Variants in GALNT1 observed in about 807,000 individuals in gnomAD.
The protein encoded by GALNT1 is GalNAc transferase 1.
Under a neutral mutation model 65.7 loss-of-function variants are expected in GALNT1, and 17 were observed. That is an observed-to-expected ratio of 0.26 (90% CI 0.18 to 0.39). GALNT1 has a LOEUF of 0.39. GALNT1 is among the 10% of genes least tolerant of loss of function. The pLI is 1.00. For synonymous variants in GALNT1, 210 were observed against 219.7 expected (o/e 0.96, Z 0.39); for missense variants, 460 against 672.8 (o/e 0.68, Z 3.50).
At chr18:35,616,397 C>T (rs965804646) in intron 1 of GALNT1, among the ~76,000 whole-genome samples, 16 of 152,098 alleles carry the variant, frequency 1.1e-4, no homozygotes, top group Admixed American at 1.0e-3. Context: ...TTATACAGTG[C>T]CCATCAAAGT....
At chr18:35,622,571 A>G (rs2046866717) in intron 1 of GALNT1, among the ~76,000 whole-genome samples, 1 of 152,170 alleles carries the variant, frequency 6.6e-6, no homozygotes, top group African/African-American at 2.4e-5. Context: ...TCTGGTTGTT[A>G]TTGGTACAGA....
chr18:35,698,205 C>T (rs77037958), intron 9 of GALNT1, among the ~76,000 whole-genome samples: 1,910 of 152,330 alleles, frequency 0.013, 17 homozygotes, highest in Non-Finnish European at 0.018. Context: ...TGGTGACTCA[C>T]ACCTGTAATG....
intron 1 of GALNT1, among the ~76,000 whole-genome samples, chr18:35,624,111 C>T (rs2046888364): frequency 6.6e-6 from 1 of 152,212 alleles, no homozygotes; most frequent in South Asian, 2.1e-4. Context: ...GTTCTTTCAG[C>T]TATCTAAATG....
chr18:35,668,430 G>T (rs889616210), intron 3 of GALNT1, among the ~76,000 whole-genome samples: 3 of 152,118 alleles, frequency 2.0e-5, no homozygotes, highest in Admixed American at 6.5e-5. Flanking sequence ...AAAGCTGAAA[G>T]TTCTTTGGAA....
rs191294614 is a variant in GALNT1 at position 35,711,230 on chromosome 18, G to T, written c.*1460G>T. On this transcript the variant is annotated 3_prime_UTR_variant, in exon 12 of 12. Coordinates refer to ENST00000269195, the MANE Select transcript of GALNT1 (RefSeq NM_020474.4). ...TTTTTCCTGATATGTAGAGCAGTCT[G>T]TTGGCAAAAATGCATATATTTTCTT... 6.6e-6 allele frequency: 1 copy of T among 152,264 alleles called. No individual in the cohort carries two copies. The highest frequency in any genetic ancestry group is 2.4e-5 in the African/African-American group (1 of 41,384). 9.4% of individuals were successfully genotyped at this position (152,264 alleles called of 1,614,324 possible).
intron 9 of GALNT1, among the ~76,000 whole-genome samples, chr18:35,697,673 C>T (rs1314926512): frequency 6.6e-6 from 1 of 152,184 alleles, no homozygotes; most frequent in African/African-American, 2.4e-5. Context: ...GAAGCACCAT[C>T]TGCATGTCCC....
intron 1 of GALNT1, among the ~76,000 whole-genome samples, chr18:35,614,582 G>C (rs1467438452): frequency 6.6e-6 from 1 of 152,132 alleles, no homozygotes; most frequent in Non-Finnish European, 1.5e-5. Context: ...AATTGCACTG[G>C]AGATATGAGT....
chr18:35,685,232 G>C (rs140450417), intron 5 of GALNT1, among the ~76,000 whole-genome samples: 3 of 152,190 alleles, frequency 2.0e-5, no homozygotes, highest in African/African-American at 7.2e-5. Flanking sequence ...ACACACACGT[G>C]CACGTATGCG....
intron 1 of GALNT1, among the ~76,000 whole-genome samples, chr18:35,633,515 AG>A (rs2144222359): frequency 8.4e-6 from 1 of 119,740 alleles, no homozygotes; most frequent in African/African-American, 3.2e-5. Context: ...GGACACAGGA[AG>A]GGGGACATCA....
chr18:35,594,416 G>A (rs1030665559), intron 1 of GALNT1, among the ~76,000 whole-genome samples: 1 of 152,098 alleles, frequency 6.6e-6, no homozygotes, highest in Non-Finnish European at 1.5e-5. Context: ...GTGCACAAGG[G>A]AAGGTAGAGG....
At chr18:35,588,634 T>C (rs969249739) in intron 1 of GALNT1, among the ~76,000 whole-genome samples, 2 of 152,174 alleles carry the variant, frequency 1.3e-5, no homozygotes, top group African/African-American at 4.8e-5. Context: ...TTTAGTCCAT[T>C]TCTCTCTTAT....
chr18:35,676,739 A>G (rs1258867867), intron 3 of GALNT1, among the ~76,000 whole-genome samples: 2 of 152,140 alleles, frequency 1.3e-5, no homozygotes, highest in East Asian at 3.9e-4. Context: ...AGGGGGGCTT[A>G]TGTTCTAAAG....
At chr18:35,683,279 C>A in intron 4 of GALNT1, 112 bp from the exon 5 acceptor site, 2 of 789,788 alleles carry the variant, frequency 2.5e-6, no homozygotes, top group Non-Finnish European at 2.0e-6. Flanking sequence ...GGGAGCCTCA[C>A]TGAGAGTGTT....
intron 8 of GALNT1, 30 bp downstream of exon 8, chr18:35,691,222 G>A (rs765890272): frequency 1.9e-6 from 3 of 1,551,968 alleles, no homozygotes; most frequent in Non-Finnish European, 2.6e-6. Flanking sequence ...AGAAATACAA[G>A]GCTGTACCTT....
intron 3 of GALNT1, among the ~76,000 whole-genome samples, chr18:35,667,353 A>C (rs2047564608): frequency 6.6e-6 from 1 of 152,210 alleles, no homozygotes; most frequent in African/African-American, 2.4e-5. Context: ...CTTTTTGTGA[A>C]CAACCAAAGA....
chr18:35,581,539 G>GC (rs568206999), upstream of GALNT1, among the ~76,000 whole-genome samples: 142,252 of 142,266 alleles, frequency 1, 71,119 homozygotes, highest in Middle Eastern at 1. Flanking sequence ...GCCTGCGGGC[G>GC]CCCTGCGGCG....
At chr18:35,604,469 C>G (rs183240252) in intron 1 of GALNT1, among the ~76,000 whole-genome samples, 85 of 152,136 alleles carry the variant, frequency 5.6e-4, no homozygotes, top group Non-Finnish European at 1.0e-3. Context: ...AGTAGTAGTT[C>G]TAAGTTTTTT....
At chr18:35,647,010 A>G (rs1031997293) in intron 1 of GALNT1, among the ~76,000 whole-genome samples, 2 of 152,198 alleles carry the variant, frequency 1.3e-5, no homozygotes, top group Non-Finnish European at 1.5e-5. Flanking sequence ...TGTACAAGCT[A>G]GGATTGAGTT....
intron 1 of GALNT1, among the ~76,000 whole-genome samples, chr18:35,644,978 A>G (rs950582465): frequency 6.6e-6 from 1 of 152,074 alleles, no homozygotes; most frequent in Non-Finnish European, 1.5e-5. Flanking sequence ...GTGACAGAGC[A>G]AGACTCTGTC....
Sources: gnomAD v4.1 joint callset for allele counts (sites outside exome capture counted in the v4.1 genomes callset) on GRCh38, gnomAD v4.1.1 for gene constraint, MANE v1.5 for transcripts, NCBI Gene and HGNC (gene_info 2026-07-23, HGNC 2026-07-21) for gene names.